Variants in SPAG1 observed in about 807,000 individuals in gnomAD.
SPAG1 encodes sperm associated antigen 1.
Under a neutral mutation model 100.5 loss-of-function variants are expected in SPAG1, and 69 were observed. The observed-to-expected ratio is 0.69, with a 90% CI of 0.57 to 0.84. The LOEUF is 0.84. Ranked by LOEUF, SPAG1 falls within the 40% of genes least tolerant of loss-of-function variation. The probability of loss-of-function intolerance (pLI) is 0.00; values close to 1 mark genes in which losing one functional copy is unlikely to be tolerated. For missense variants in SPAG1, 955 were observed against 1,133.1 expected, an observed-to-expected ratio of 0.84 and a Z score of 2.26; for synonymous variants, 336 against 411.6, an observed-to-expected ratio of 0.82 and a Z score of 2.22.
At chr8:100,238,836 T>C (rs1819125279) in intron 16 of SPAG1, among the ~76,000 whole-genome samples, 1 of 152,244 alleles carries the variant, frequency 6.6e-6, no homozygotes, top group Non-Finnish European at 1.5e-5. Context: ...TCCCCTTATG[T>C]TAAAGATGAG....
intron 4 of SPAG1, among the ~76,000 whole-genome samples, chr8:100,181,705 C>T (rs1341870475): frequency 6.6e-6 from 1 of 152,170 alleles, no homozygotes; most frequent in Non-Finnish European, 1.5e-5. Flanking sequence ...CCACCAGCTT[C>T]CTTCTATTGG....
At chr8:100,212,091 T>G (rs182992002) in intron 10 of SPAG1, among the ~76,000 whole-genome samples, 4 of 152,380 alleles carry the variant, frequency 2.6e-5, no homozygotes, top group Non-Finnish European at 2.9e-5. Flanking sequence ...CTTTGGCTGG[T>G]GATCCAAATT....
In SPAG1 at chr8:100,230,482, T is replaced by C. The variant is rs1352407483; in HGVS notation, c.1856-674T>C. On this transcript the variant is annotated intron_variant, in intron 14 of 18. Transcript: ENST00000388798. The stretch of plus-strand genomic sequence containing the variant: ...ATTGGAGACTCTGCCTCTTGTCATA[T>C]AGTCACCTGAGCCCTGTTAGCATTG... 2.6e-5 allele frequency among the ~76,000 whole-genome samples: 4 copies of C among 152,232 alleles called. No homozygotes were observed. The East Asian group carries it at 7.7e-4, about 29-fold the overall frequency.
intron 3 of SPAG1, among the ~76,000 whole-genome samples, chr8:100,174,054 C>T (rs1210181734): frequency 6.6e-6 from 1 of 152,140 alleles, no homozygotes; most frequent in Non-Finnish European, 1.5e-5. Flanking sequence ...TCATAGGAAA[C>T]TATGATAAAT....
At chr8:100,193,036 C>A (rs980864630) in intron 9 of SPAG1, among the ~76,000 whole-genome samples, 4 of 152,168 alleles carry the variant, frequency 2.6e-5, no homozygotes, top group African/African-American at 7.2e-5. Flanking sequence ...AGGAGAAAAT[C>A]TTTATGACCT....
chr8:100,168,704 T>TTTTTTTTTTTTTTTTTG (rs1815683125), intron 3 of SPAG1, among the ~76,000 whole-genome samples: 4 of 144,626 alleles, frequency 2.8e-5, no homozygotes, highest in Admixed American at 7.0e-5. Flanking sequence ...TTTTTGTTGT[T>TTTTTTTTTTTTTTTTTG]GAGACAGAGC....
At position 100,213,904 on chromosome 8, in the gene SPAG1, T is replaced by C; in HGVS notation, c.1521T>C (p.Ile507=). Residue 507 remains isoleucine (I), a synonymous_variant, in exon 12 of 19, where the codon ATT becomes ATC. Transcript: ENST00000388798. The stretch of plus-strand genomic sequence containing the variant: ...AAGAAGGAAACTGCAGTGGCTGCAT[T>C]CAAGATTGTAACAGGTAAACTGCAC... The part of the protein sequence containing the change: ...YLKEGNCSGC[I]QDCNRALELH... 1 of 1,593,328 alleles carries C rather than the reference T, an allele frequency of 6.3e-7. No individual in the cohort carries two copies. Among genetic ancestry groups the C allele is most frequent in the Middle Eastern group, 1.7e-4 (1 of 5,840 alleles).
chr8:100,177,752 G>GCTTGGTTATAAT (rs1816191290), intron 3 of SPAG1, 64 bp from the exon 4 acceptor site: 1 of 1,021,954 alleles, frequency 9.8e-7, no homozygotes, highest in Admixed American at 2.5e-5. Context: ...GTCAACTATA[G>GCTTGGTTATAAT]TTCTTTCTTA....
Position 100,222,041 on chromosome 8 carries a change from C to T in SPAG1, c.1688+1610C>T, listed in dbSNP as rs374769139. Among the ~76,000 whole-genome samples the T allele has an allele frequency of 9.2e-5, 14 of 152,368 alleles. 2 individuals carry two copies. Among genetic ancestry groups the T allele is most frequent in the African/African-American group, 3.1e-4 (13 of 41,588 alleles). On this transcript the variant is annotated intron_variant, in intron 13 of 18. Transcript: ENST00000388798. ...CACCCACAGCCTCCTTGACCTTGAG[C>T]TTCCTTGGCCTTGACCAGGCGGTCT...
At chr8:100,230,042 A>G (rs1818695773) in intron 14 of SPAG1, among the ~76,000 whole-genome samples, 1 of 152,202 alleles carries the variant, frequency 6.6e-6, no homozygotes, top group South Asian at 2.1e-4. Context: ...GAACCTTGCA[A>G]AACATTTTAT....
chr8:100,214,236 T>C (rs1817870748), intron 12 of SPAG1, among the ~76,000 whole-genome samples: 1 of 152,220 alleles, frequency 6.6e-6, no homozygotes, highest in Non-Finnish European at 1.5e-5. Flanking sequence ...GAAACATTAT[T>C]TTGTTCAGAT....
At chr8:100,162,200 A>G (rs778180586) in intron 1 of SPAG1, 79 bp from the exon 2 acceptor site, 1 of 1,162,732 alleles carries the variant, frequency 8.6e-7, no homozygotes, top group Non-Finnish European at 1.2e-6. Flanking sequence ...AATACAAAGA[A>G]GTACCTACAT....
chr8:100,191,323 G>A, intron 8 of SPAG1, 67 bp from the exon 9 acceptor site: 4 of 1,101,062 alleles, frequency 3.6e-6, no homozygotes, highest in Non-Finnish European at 5.5e-6. Flanking sequence ...TCTTCCACTT[G>A]CCAAATATGT....
chr8:100,204,406 G>A (rs1817419589), intron 10 of SPAG1, among the ~76,000 whole-genome samples: 1 of 152,142 alleles, frequency 6.6e-6, no homozygotes, highest in Non-Finnish European at 1.5e-5. Context: ...TGGATATTAA[G>A]GGTGTGGGAT....
At chr8:100,162,064 C>T (rs1455447947) in intron 1 of SPAG1, among the ~76,000 whole-genome samples, 2 of 152,280 alleles carry the variant, frequency 1.3e-5, no homozygotes, top group East Asian at 3.9e-4. Flanking sequence ...CACAATGGCT[C>T]ATGCCCATAA....
Position 100,194,212 on chromosome 8 carries a change from C to A in SPAG1, c.1040C>A (p.Ser347Tyr). 1 of 1,609,066 alleles carries A rather than the reference C, an allele frequency of 6.2e-7. No homozygotes were observed. The highest frequency in any genetic ancestry group is 8.5e-7 in the Non-Finnish European group (1 of 1,177,060). ...ATGGTTATTCAGGAAATAGAAAACT[C>A]CGAAGATGAAGAAGGAAAAAGCGGA... The part of the protein sequence containing the change: ...KRMVIQEIEN[S>Y]EDEEGKSGRK... The change falls in exon 10 of 19, where the codon TCC (serine) becomes TAC (tyrosine). Residue 347 changes from serine to tyrosine, a missense_variant. By Grantham distance (144) the Ser-to-Tyr change is moderately radical (BLOSUM62 -2). Transcript: ENST00000388798.
Position 100,213,832 on chromosome 8 carries a change from A to G in SPAG1, c.1449A>G (p.Ala483=). The G allele has an allele frequency of 3.8e-6, 6 of 1,576,820 alleles. No individual in the cohort carries two copies. The highest frequency in any genetic ancestry group is 5.2e-6 in the Non-Finnish European group (6 of 1,150,104). The change falls in exon 12 of 19, where the codon GCA becomes GCG. Residue 483 remains alanine (A), a synonymous_variant. Coordinates refer to ENST00000388798, the MANE Select transcript of SPAG1 (RefSeq NM_003114.5). The part of the protein sequence containing the change: ...ALLEPAGSEI[A]DDLSILYSNR... Reference sequence around the variant, plus strand: ...TGTGATTTTTAGGAAGTGAAATTGCAGATGATCTAAGTATCTTATATTCAA... The same window carrying G: ...TGTGATTTTTAGGAAGTGAAATTGCGGATGATCTAAGTATCTTATATTCAA...
rs938035673 is a variant in SPAG1, at chr8:100,239,337, T to G, written c.2213T>G (p.Leu738Arg). 1.9e-6 allele frequency: 3 copies of G among 1,593,466 alleles called. No individual in the cohort carries two copies. Among genetic ancestry groups the G allele is most frequent in the Middle Eastern group, 1.7e-4 (1 of 5,996 alleles). ...GAACTGGAAGAGGTAACTAGACTCC[T>G]TAATCTTAAGGATAAGACAGCACCA... ...KMELEEVTRL[L>R]NLKDKTAPFN... is the part of the protein sequence containing the mutation. The change falls in exon 17 of 19, where the codon CTT (leucine) becomes CGT (arginine). Residue 738 changes from leucine (L) to arginine (R), a missense_variant. By Grantham distance (102) the Leu-to-Arg change is moderately radical. Coordinates refer to ENST00000388798, the MANE Select transcript of SPAG1 (RefSeq NM_003114.5). The surrounding 1 kb of genome is among the most constrained non-coding windows in gnomAD (Gnocchi z 5.0).
At chr8:100,162,859 A>G (rs888794820) in intron 2 of SPAG1, among the ~76,000 whole-genome samples, 2 of 152,080 alleles carry the variant, frequency 1.3e-5, no homozygotes, top group African/African-American at 4.8e-5. Context: ...AGCTACTCAG[A>G]AGGCTGAGGT....
Sources: gnomAD v4.1 joint callset for allele counts (sites outside exome capture counted in the v4.1 genomes callset) on GRCh38, gnomAD v4.1.1 for gene constraint, Gnocchi (gnomAD v3.1) non-coding constraint, MANE v1.5 for transcripts, NCBI Gene and HGNC (gene_info 2026-07-23, HGNC 2026-07-21) for gene names.